Variants in DMD observed in about 807,000 individuals in gnomAD.
The protein encoded by DMD is dystrophin, also known as mutant dystrophin.
DMD carries 63 observed loss-of-function variants against 330.1 expected under a neutral mutation model. The observed-to-expected ratio is 0.19, with a 90% CI of 0.16 to 0.24. DMD has a LOEUF of 0.24. Ranked by LOEUF, DMD falls within the 10% of genes least tolerant of loss-of-function variation. The pLI is 1.00. For missense variants in DMD, 3,344 were observed against 2,684.1 expected (o/e 1.25, Z -5.43); for synonymous variants, 1,223 against 959.8 (o/e 1.27, Z -5.07).
intron 2 of DMD, among the ~76,000 whole-genome samples, chrX:32,980,844 T>G (rs1305465940): frequency 1.8e-5 from 2 of 112,017 alleles, no homozygotes; most frequent in Non-Finnish European, 3.8e-5. Context: ...ATGATAAAGC[T>G]GTTATCAGCG....
intron 3 of DMD, among the ~76,000 whole-genome samples, chrX:32,848,950 G>A (rs1386025899): frequency 1.8e-5 from 2 of 110,864 alleles, no homozygotes; most frequent in Non-Finnish European, 3.8e-5. Context: ...GACTTTGAAC[G>A]ACAGCTTCAG....
chrX:31,875,610 C>A (rs113365300), intron 47 of DMD, among the ~76,000 whole-genome samples: 60 of 111,829 alleles, frequency 5.4e-4, no homozygotes, highest in African/African-American at 1.9e-3. Context: ...GAAACTAATA[C>A]CTTTTTGGAA....
At chrX:33,240,415 G>C (rs1346593972) in intron 1 of DMD, among the ~76,000 whole-genome samples, 3 of 111,931 alleles carry the variant, frequency 2.7e-5, no homozygotes, top group African/African-American at 9.7e-5. Flanking sequence ...TGGATGAACA[G>C]TATTCTATTG....
chrX:31,231,100 C>G (rs2047152703), intron 63 of DMD, among the ~76,000 whole-genome samples: 1 of 110,997 alleles, frequency 9.0e-6, no homozygotes, highest in African/African-American at 3.3e-5. Flanking sequence ...TTAAATCAAG[C>G]TTCAAGAGCG....
At chrX:32,426,755 C>T (rs1003102757) in intron 29 of DMD, among the ~76,000 whole-genome samples, 14 of 111,793 alleles carry the variant, frequency 1.3e-4, no homozygotes, top group African/African-American at 4.6e-4. Context: ...GGTGCATATA[C>T]ACCATGGAAC....
intron 1 of DMD, among the ~76,000 whole-genome samples, chrX:33,157,206 C>CA (rs1453853758): frequency 9.0e-6 from 1 of 111,301 alleles, no homozygotes; most frequent in Non-Finnish European, 1.9e-5. Context: ...GCCATGCTCT[C>CA]ACTGAATACT....
intron 44 of DMD, among the ~76,000 whole-genome samples, chrX:32,011,943 T>C (rs1289771249): frequency 4.5e-5 from 5 of 112,197 alleles, no homozygotes; most frequent in Non-Finnish European, 9.4e-5. Flanking sequence ...TATTTGGTGA[T>C]GAAAATCAAA....
intron 2 of DMD, among the ~76,000 whole-genome samples, chrX:32,859,360 C>T (rs779765895): frequency 4.6e-5 from 5 of 108,143 alleles, no homozygotes; most frequent in Non-Finnish European, 7.6e-5. Flanking sequence ...CCCAACTACT[C>T]GAGAGGCTGA....
At chrX:33,245,011 C>G (rs5928211) in intron 1 of DMD, among the ~76,000 whole-genome samples, 2 of 110,379 alleles carry the variant, frequency 1.8e-5, no homozygotes, top group Non-Finnish European at 3.8e-5. Flanking sequence ...CTTCCTGCTA[C>G]CACTTAAAAA....
chrX:31,627,484 T>C (rs2078908125), intron 55 of DMD, among the ~76,000 whole-genome samples, 189 bp downstream of exon 55: 1 of 112,039 alleles, frequency 8.9e-6, no homozygotes, highest in African/African-American at 3.2e-5. Flanking sequence ...GACGAGGGTG[T>C]TAAGTGGAAT....
At chrX:32,392,521 A>G (rs1432850048) in intron 30 of DMD, among the ~76,000 whole-genome samples, 1 of 111,237 alleles carries the variant, frequency 9.0e-6, no homozygotes, top group African/African-American at 3.3e-5. Context: ...CGGCTTCCCA[A>G]AGTGCTGGGA....
intron 1 of DMD, among the ~76,000 whole-genome samples, chrX:33,176,421 T>TA (rs67294661): frequency 0.013 from 1,286 of 98,020 alleles, 21 homozygotes; most frequent in African/African-American, 0.036. Context: ...AGAGTTAATG[T>TA]AAAAAAAAAA....
intron 50 of DMD, among the ~76,000 whole-genome samples, chrX:31,819,069 G>A (rs965080655): frequency 9.0e-6 from 1 of 110,661 alleles, no homozygotes; most frequent in Non-Finnish European, 1.9e-5. Flanking sequence ...AACACCCAAA[G>A]ATGTTTTTAG....
At chrX:32,627,991 G>A (rs185207923) in intron 11 of DMD, among the ~76,000 whole-genome samples, 56 of 110,008 alleles carry the variant, frequency 5.1e-4, no homozygotes, top group Non-Finnish European at 9.1e-4. Context: ...TATGACATTA[G>A]GGTTAATAGG....
intron 62 of DMD, among the ~76,000 whole-genome samples, chrX:31,262,224 A>G (rs140948148): frequency 0.019 from 2,167 of 112,213 alleles, 46 homozygotes; most frequent in African/African-American, 0.066. Flanking sequence ...TTTTGGTATC[A>G]TGTGCCCCTC....
At chrX:33,096,569 C>G (rs4829278) in intron 1 of DMD, among the ~76,000 whole-genome samples, 47,776 of 102,688 alleles carry the variant, frequency 0.47, 9,687 homozygotes, top group Admixed American at 0.56. Context: ...GCAATGGCAC[C>G]ATCTTGGCTC....
intron 54 of DMD, among the ~76,000 whole-genome samples, chrX:31,628,551 C>A (rs2078972086): frequency 9.0e-6 from 1 of 111,430 alleles, no homozygotes; most frequent in Admixed American, 9.6e-5. Context: ...TATTTAACTA[C>A]TTGATCATAC....
At chrX:33,308,566 A>G (rs903536926) in intron 1 of DMD, among the ~76,000 whole-genome samples, 2 of 111,864 alleles carry the variant, frequency 1.8e-5, no homozygotes, top group Admixed American at 9.6e-5. Context: ...AGGAAAATTT[A>G]CAACAATCTG....
intron 4 of DMD, among the ~76,000 whole-genome samples, chrX:32,826,117 G>C (rs914321974): frequency 1.8e-5 from 2 of 111,799 alleles, no homozygotes; most frequent in African/African-American, 6.5e-5. Flanking sequence ...CTAATCATCA[G>C]AGAAATGCAA....
Sources: allele counts gnomAD v4.1 joint callset (sites outside exome capture counted in the v4.1 genomes callset), GRCh38; gene constraint gnomAD v4.1.1; transcripts MANE v1.5; gene names NCBI Gene and HGNC (gene_info 2026-07-23, HGNC 2026-07-21).